Variants in ARL8A observed in about 807,000 individuals in gnomAD.
ARL8A encodes ADP-ribosylation factor-like protein 8A.
In ARL8A, 10 loss-of-function variants were observed where a neutral mutation model predicts 31.2. The observed-to-expected ratio is 0.32, with a 90% CI of 0.20 to 0.54. The LOEUF is 0.54. Ranked by LOEUF, ARL8A falls within the 20% of genes least tolerant of loss-of-function variation. ARL8A has a pLI of 0.93. For missense variants in ARL8A, 129 were observed against 242.8 expected (o/e 0.53, Z 3.12); for synonymous variants, 70 against 86.9 (o/e 0.81, Z 1.08).
At chr1:202,139,442 G>A (rs1006083389) in intron 1 of ARL8A, among the ~76,000 whole-genome samples, 19 of 151,714 alleles carry the variant, frequency 1.3e-4, no homozygotes, top group South Asian at 2.1e-4. Flanking sequence ...GTGTGGTGGC[G>A]TGTGCCTGTA....
At chr1:202,139,488 G>A (rs1571721284) in intron 1 of ARL8A, among the ~76,000 whole-genome samples, 1 of 151,368 alleles carries the variant, frequency 6.6e-6, no homozygotes, top group Non-Finnish European at 1.5e-5. Context: ...CAGGTGAATC[G>A]CTTGAACCCA....
At chr1:202,136,557 G>A (rs1365910909) in intron 3 of ARL8A, among the ~76,000 whole-genome samples, 1 of 151,778 alleles carries the variant, frequency 6.6e-6, no homozygotes, top group East Asian at 1.9e-4. Flanking sequence ...GGGATTACAG[G>A]CATGAGCCAC....
chr1:202,135,175 G>T lies in ARL8A; in HGVS notation c.486C>A (p.Ile162=). 6.2e-7 allele frequency: 1 copy of T among 1,614,138 alleles called. No individual in the cohort carries two copies. Among genetic ancestry groups the T allele is most frequent in the Non-Finnish European group, 8.5e-7 (1 of 1,180,000 alleles). ...IQDREICCYS[I]SCKEKDNIDI... is the part of the protein sequence containing the mutation. ...CAATGTTGTCCTTTTCTTTGCAAGA[G>T]ATGGAGTAGCAGCAGATCTCTCGGT... The change falls in exon 6 of 7, where the codon ATC becomes ATA. Residue 162 remains isoleucine, a synonymous_variant. Coordinates refer to ENST00000272217, the MANE Select transcript of ARL8A (RefSeq NM_138795.4). The surrounding 1 kb of genome is among the most constrained non-coding windows in gnomAD (Gnocchi z 5.3).
intron 1 of ARL8A, among the ~76,000 whole-genome samples, chr1:202,139,522 G>A (rs1480405416): frequency 1.3e-5 from 2 of 150,376 alleles, no homozygotes; most frequent in Admixed American, 1.3e-4. Flanking sequence ...GCAGTGAGCC[G>A]AGATCATGCC....
intron 1 of ARL8A, among the ~76,000 whole-genome samples, chr1:202,143,364 A>C (rs1209800743): frequency 6.6e-6 from 1 of 152,180 alleles, no homozygotes; most frequent in Non-Finnish European, 1.5e-5. Context: ...AGGTAGAGGT[A>C]CCTAGGCCGG....
intron 1 of ARL8A, among the ~76,000 whole-genome samples, chr1:202,141,750 T>C (rs1432807253): frequency 1.3e-5 from 2 of 152,192 alleles, no homozygotes; most frequent in South Asian, 2.1e-4. Context: ...AGTTATTCCA[T>C]AGGACAGTCT....
At position 202,136,619 on chromosome 1, in the gene ARL8A, G is replaced by A. The variant is rs148442402; in HGVS notation, c.279-819C>T. Among the ~76,000 whole-genome samples the A allele has an allele frequency of 8.0e-3, 1,219 of 152,158 alleles. 11 individuals carry two copies. The highest frequency in any genetic ancestry group is 0.041 in the Middle Eastern group (12 of 294). ...CAGGGTCTCACTGTCACCCAGGGTG[G>A]AGTGCAGTGGTGCAATTACAGCTCA... On this transcript the variant is annotated intron_variant, in intron 3 of 6. Transcript: ENST00000272217.
Position 202,144,552 on chromosome 1 carries a change from C to G in ARL8A, c.21G>C (p.Lys7Asn). The change falls in exon 1 of 7, where the codon AAG becomes AAC. Residue 7 changes from lysine to asparagine, a missense_variant. Coordinates refer to ENST00000272217, the MANE Select transcript of ARL8A (RefSeq NM_138795.4). This position sits in a 1 kb window ranked among gnomAD's most constrained non-coding sequence, Gnocchi z 5.2. ...ATAGGGCCTTGAACCAGTCCAGCAGCTTGTTGAACAAAGCGATCATGGTCG... is the reference window on the plus strand; with the variant it reads ...ATAGGGCCTTGAACCAGTCCAGCAGGTTGTTGAACAAAGCGATCATGGTCG... Reference protein sequence around the residue: MIALFNKLLDWFKALFW... With the variant: MIALFNNLLDWFKALFW... 1 of 1,446,210 alleles carries G rather than the reference C, an allele frequency of 6.9e-7. No individual in the cohort carries two copies. The highest frequency in any genetic ancestry group is 1.2e-5 in the South Asian group (1 of 84,766). 89.6% of individuals were successfully genotyped at this position (1,446,210 alleles called of 1,614,324 possible). A position where few individuals can be genotyped will look rare whatever the true frequency, so the allele number is the denominator to read the frequency against.
At chr1:202,142,031 C>T (rs1207419195) in intron 1 of ARL8A, among the ~76,000 whole-genome samples, 1 of 152,122 alleles carries the variant, frequency 6.6e-6, no homozygotes, top group Non-Finnish European at 1.5e-5. Context: ...CCATGCCTGG[C>T]TAATTTTTGT....
Position 202,144,515 on chromosome 1 carries a change from C to G in ARL8A, c.58G>C (p.Glu20Gln). The G allele has an allele frequency of 1.4e-5, 21 of 1,486,876 alleles. No homozygotes were observed. Among genetic ancestry groups the G allele is most frequent in the Non-Finnish European group, 1.9e-5 (21 of 1,100,876 alleles). The allele number at this position is 1,486,876 out of a possible 1,614,324, so 92.1% of individuals were successfully genotyped here. ...DWFKALFWKE[E>Q]MELTLVGLQY... ...AGCCCGACCAGCGTGAGCTCCATCT[C>G]CTCCTTCCAGAATAGGGCCTTGAAC... The change falls in exon 1 of 7, where the codon GAG becomes CAG. Residue 20 changes from glutamate (E) to glutamine (Q), a missense_variant. Coordinates refer to ENST00000272217, the MANE Select transcript of ARL8A (RefSeq NM_138795.4). The surrounding 1 kb of genome is among the most constrained non-coding windows in gnomAD (Gnocchi z 5.2).
rs998228017 is a variant in ARL8A, at chr1:202,144,628, C to A, written c.-56G>T. On this transcript the variant is annotated 5_prime_UTR_variant, in exon 1 of 7. Coordinates refer to ENST00000272217, the MANE Select transcript of ARL8A (RefSeq NM_138795.4). The surrounding 1 kb of genome is among the most constrained non-coding windows in gnomAD (Gnocchi z 5.2). ...GGTCCCCGCCGCCCCTCGCTGCCCT[C>A]GCGCTGCGGCCCGGAGCGGCCCCTC... 12 of 1,311,356 alleles carry A rather than the reference C, an allele frequency of 9.2e-6. No homozygotes were observed. The highest frequency in any genetic ancestry group is 1.2e-5 in the Non-Finnish European group (12 of 1,008,712). The allele number at this position is 1,311,356 out of a possible 1,614,324, so 81.2% of individuals were successfully genotyped here.
chr1:202,139,591 A>G, intron 1 of ARL8A, among the ~76,000 whole-genome samples: 1 of 132,710 alleles, frequency 7.5e-6, no homozygotes, highest in Admixed American at 7.8e-5. Context: ...AAAAAAGATG[A>G]GGCTCATTCA....
chr1:202,135,244 C>A lies in ARL8A; in HGVS notation c.441-24G>T. 1 of 1,607,150 alleles carries A rather than the reference C, an allele frequency of 6.2e-7. No homozygotes were observed. Among genetic ancestry groups the A allele is most frequent in the Non-Finnish European group, 8.5e-7 (1 of 1,173,756 alleles). On this transcript the variant is annotated intron_variant, in intron 5 of 6. Coordinates refer to ENST00000272217, the MANE Select transcript of ARL8A (RefSeq NM_138795.4). This position sits in a 1 kb window ranked among gnomAD's most constrained non-coding sequence, Gnocchi z 5.3. ...TCCTGGGGGAAACCAGAGTAGAGTC[C>A]GCTGAGGCTACGAACGTCCAGGGGG...
chr1:202,140,299 T>TTTC (rs112911203), intron 1 of ARL8A, among the ~76,000 whole-genome samples: 4,130 of 75,254 alleles, frequency 0.055, 158 homozygotes, highest in Admixed American at 0.17. Context: ...CTAGCTAATT[T>TTTC]TTTTTTTTTT....
chr1:202,135,137 C>T lies in ARL8A; in HGVS notation c.511+13G>A. 4 of 1,611,976 alleles carry T rather than the reference C, an allele frequency of 2.5e-6. No individual in the cohort carries two copies. Among genetic ancestry groups the T allele is most frequent in the Non-Finnish European group, 3.4e-6 (4 of 1,178,062 alleles). On this transcript the variant is annotated intron_variant, in intron 6 of 6. Transcript: ENST00000272217. The surrounding 1 kb of genome is among the most constrained non-coding windows in gnomAD (Gnocchi z 5.3). ...GCCTCTCCCCTCTCCTCCCTTTCCC[C>T]CATCCTACGCACCAATGTTGTCCTT...
chr1:202,141,511 G>A (rs1319389653), intron 1 of ARL8A, among the ~76,000 whole-genome samples: 3 of 151,812 alleles, frequency 2.0e-5, no homozygotes, highest in Non-Finnish European at 4.4e-5. Flanking sequence ...GCATGGTGGT[G>A]TATGCCTGTA....
chr1:202,137,023 T>A (rs1158381416), intron 3 of ARL8A, among the ~76,000 whole-genome samples: 5 of 151,474 alleles, frequency 3.3e-5, no homozygotes, highest in African/African-American at 1.2e-4. Context: ...CCCAGCTAAT[T>A]TTTTTTGTAT....
chr1:202,143,128 G>A (rs1655203563), intron 1 of ARL8A, among the ~76,000 whole-genome samples: 1 of 152,216 alleles, frequency 6.6e-6, no homozygotes, highest in Non-Finnish European at 1.5e-5. Context: ...TGCCCTGTCA[G>A]GTCAGGAGAC....
chr1:202,135,635 C>T lies in ARL8A; in HGVS notation c.372+72G>A. 1.9e-6 allele frequency: 3 copies of T among 1,581,392 alleles called. No homozygotes were observed. The highest frequency in any genetic ancestry group is 1.8e-4 in the Middle Eastern group (1 of 5,624). On this transcript the variant is annotated intron_variant, in intron 4 of 6. Transcript: ENST00000272217. This position sits in a 1 kb window ranked among gnomAD's most constrained non-coding sequence, Gnocchi z 5.3. The stretch of plus-strand genomic sequence containing the variant: ...TTTCCTCTCTGCGCCCCTACCATGC[C>T]TGGCTTTTACCTGCTCCCAGTGACT...
Sources: allele counts gnomAD v4.1 joint callset (sites outside exome capture counted in the v4.1 genomes callset), GRCh38; gene constraint gnomAD v4.1.1; non-coding constraint Gnocchi (gnomAD v3.1); transcripts MANE v1.5; gene names NCBI Gene and HGNC (gene_info 2026-07-23, HGNC 2026-07-21).